COLQ: variants seen among roughly 807,000 people sequenced by gnomAD.
COLQ encodes acetylcholinesterase collagenic tail peptide.
Under a neutral mutation model 69.0 loss-of-function variants are expected in COLQ, and 48 were observed. The ratio of observed to expected loss-of-function variants is 0.70; its 90% CI spans 0.55 to 0.88. The LOEUF (loss-of-function observed/expected upper bound fraction) is 0.88. COLQ is among the 40% of genes least tolerant of loss of function. The pLI is 0.00. For synonymous variants in COLQ, 217 were observed against 211.2 expected, an observed-to-expected ratio of 1.03 and a Z score of -0.24; for missense variants, 618 against 594.6, an observed-to-expected ratio of 1.04 and a Z score of -0.41.
intron 1 of COLQ, among the ~76,000 whole-genome samples, chr3:15,507,737 G>T (rs1453709796): frequency 6.6e-6 from 1 of 152,212 alleles, no homozygotes; most frequent in African/African-American, 2.4e-5. Flanking sequence ...TTACAGGCGT[G>T]AGCCACTGCA....
At chr3:15,506,673 A>G (rs2062915763) in intron 1 of COLQ, 1 of 152,178 alleles carries the variant, frequency 6.6e-6, no homozygotes, top group South Asian at 2.1e-4. Flanking sequence ...GCATAATCCC[A>G]CTAATGATCA....
At chr3:15,499,415 C>T (rs2062800920) in intron 1 of COLQ, among the ~76,000 whole-genome samples, 1 of 152,166 alleles carries the variant, frequency 6.6e-6, no homozygotes, top group African/African-American at 2.4e-5. Flanking sequence ...CAAACTTTTG[C>T]TATAAAGGTC....
rs1165126069 is a variant in COLQ at position 15,453,810 on chromosome 3, G to A, written c.1298+19C>T. ...AGGGAGAAAGAAGGGGGAGAGGGAG[G>A]GAGGGGAGTCATCCCTACCCAGGGA... On this transcript the variant is annotated intron_variant, in intron 16 of 16. Coordinates refer to ENST00000383788, the MANE Select transcript of COLQ (RefSeq NM_005677.4). The A allele has an allele frequency of 6.6e-7, 1 of 1,508,288 alleles. No homozygotes were observed. Among genetic ancestry groups the A allele is most frequent in the Non-Finnish European group, 9.2e-7 (1 of 1,089,964 alleles). 93.4% of individuals were successfully genotyped at this position (1,508,288 alleles called of 1,614,324 possible). A position where few individuals can be genotyped will look rare whatever the true frequency, so the allele number is the denominator to read the frequency against.
At chr3:15,494,283 G>C (rs2062713717) in intron 1 of COLQ, among the ~76,000 whole-genome samples, 1 of 152,138 alleles carries the variant, frequency 6.6e-6, no homozygotes, top group Non-Finnish European at 1.5e-5. Context: ...GGGGAGGACA[G>C]GCTTGGAGAA....
chr3:15,458,181 C>T lies in COLQ; in HGVS notation c.954+5G>A. 1 of 1,613,326 alleles carries T rather than the reference C, an allele frequency of 6.2e-7. No homozygotes were observed. Among genetic ancestry groups the T allele is most frequent in the Non-Finnish European group, 8.5e-7 (1 of 1,180,026 alleles). The stretch of plus-strand genomic sequence containing the variant: ...CCACCCCAGACTTCTCCCAGAAAGC[C>T]TTACCACAGGAACTCGCGGGGAACT... On this transcript the variant is annotated splice_donor_5th_base_variant and intron_variant, in intron 13 of 16. Coordinates refer to ENST00000383788, the MANE Select transcript of COLQ (RefSeq NM_005677.4).
chr3:15,489,572 G>A lies in COLQ; in HGVS notation c.172C>T (p.Pro58Ser), dbSNP rs1327740963. 6.2e-7 allele frequency: 1 copy of A among 1,614,192 alleles called. No individual in the cohort carries two copies. The highest frequency in any genetic ancestry group is 1.1e-5 in the South Asian group (1 of 91,082). ...AATGGTGGTGGGAACAGTGGTGGTGGAGGAGGCGTCAGCAGGCAGCATGCT... is the reference window on the plus strand; with the variant it reads ...AATGGTGGTGGGAACAGTGGTGGTGAAGGAGGCGTCAGCAGGCAGCATGCT... ...HKACCLLTPP[P>S]PPLFPPPFFR... Residue 58 changes from proline (P) to serine (S), a missense_variant, in exon 2 of 17, where the codon CCA (proline) becomes TCA (serine). Pro to Ser is a moderately conservative substitution (Grantham distance 74). Transcript: ENST00000383788.
intron 1 of COLQ, among the ~76,000 whole-genome samples, chr3:15,499,123 G>T (rs139288369): frequency 6.6e-6 from 1 of 151,012 alleles, no homozygotes; most frequent in African/African-American, 2.4e-5. Context: ...CCAAAGTGTT[G>T]CTGACAAAGC....
rs371974104 is a variant in COLQ, at chr3:15,497,036, C to CTTTTTT, written c.107-7405_107-7400dup. On this transcript the variant is annotated intron_variant, in intron 1 of 16. Coordinates refer to ENST00000383788, the MANE Select transcript of COLQ (RefSeq NM_005677.4). ...CAAATCATCTCCAAAGTCCTTTTGCCTTTTTTTTTTTTTTTTTTTTTTTTT... is the reference window on the plus strand; with the variant it reads ...CAAATCATCTCCAAAGTCCTTTTGCCTTTTTTTTTTTTTTTTTTTTTTTTTTTTTTT... Among the ~76,000 whole-genome samples, 50 of 107,528 alleles carry CTTTTTT rather than the reference C, an allele frequency of 4.6e-4. 1 individual carries two copies. Among genetic ancestry groups the CTTTTTT allele is most frequent in the African/African-American group, 1.3e-3 (36 of 27,068 alleles). 70.5% of individuals were successfully genotyped at this position (107,528 alleles called of 152,430 possible).
At chr3:15,471,969 AT>A (rs370644681) in intron 10 of COLQ, among the ~76,000 whole-genome samples, 14,521 of 136,896 alleles carry the variant, frequency 0.11, 730 homozygotes, top group East Asian at 0.2. Flanking sequence ...CACAAGCAGC[AT>A]TTTTTTTTTT....
chr3:15,518,112 A>C (rs900966016), intron 1 of COLQ, among the ~76,000 whole-genome samples: 4 of 151,904 alleles, frequency 2.6e-5, no homozygotes, highest in Admixed American at 1.3e-4. Context: ...CATCCAGATA[A>C]ATTTGTATTT....
chr3:15,478,928 A>T (rs747142344), intron 5 of COLQ, 49 bp downstream of exon 5: 1 of 1,613,336 alleles, frequency 6.2e-7, no homozygotes, highest in African/African-American at 1.3e-5. Context: ...ATGCACACAC[A>T]TGAAGCACAG....
chr3:15,511,368 G>A (rs1166417886), intron 1 of COLQ, among the ~76,000 whole-genome samples: 10 of 152,214 alleles, frequency 6.6e-5, no homozygotes, highest in Non-Finnish European at 1.3e-4. Flanking sequence ...CAGGGCAGCC[G>A]GCTCCTAAGC....
chr3:15,470,796 T>A, intron 10 of COLQ, 180 bp from the exon 11 acceptor site: 1 of 695,872 alleles, frequency 1.4e-6, no homozygotes, highest in Non-Finnish European at 2.7e-6. Context: ...CAGACATGTC[T>A]TTCATGGAAG....
At chr3:15,454,654 T>G (rs1271175923) in intron 15 of COLQ, among the ~76,000 whole-genome samples, 1 of 57,562 alleles carries the variant, frequency 1.7e-5, no homozygotes, top group Non-Finnish European at 4.1e-5. Context: ...CTGAACTGTT[T>G]TTTTTTTTTT....
At chr3:15,482,032 T>C (rs944051764) in intron 3 of COLQ, among the ~76,000 whole-genome samples, 19 of 152,332 alleles carry the variant, frequency 1.2e-4, no homozygotes, top group Admixed American at 1.2e-3. Flanking sequence ...TATTGGTGTA[T>C]AGGAATGCTT....
intron 10 of COLQ, among the ~76,000 whole-genome samples, chr3:15,471,802 A>C (rs2125111382): frequency 6.6e-6 from 1 of 152,256 alleles, no homozygotes; most frequent in Non-Finnish European, 1.5e-5. Context: ...TAAATCTGTT[A>C]TTTCTTTCCA....
At chr3:15,497,884 C>T (rs1301233314) in intron 1 of COLQ, among the ~76,000 whole-genome samples, 3 of 152,208 alleles carry the variant, frequency 2.0e-5, no homozygotes, top group African/African-American at 7.2e-5. Context: ...CTACAATTTT[C>T]CTTCAATCCC....
chr3:15,463,015 C>T (rs1357466546), intron 12 of COLQ, among the ~76,000 whole-genome samples: 2 of 151,980 alleles, frequency 1.3e-5, no homozygotes, highest in Non-Finnish European at 2.9e-5. Context: ...AGCTGGAAGG[C>T]CAGGGAGAAA....
At chr3:15,470,802 G>T (rs1364179859) in intron 10 of COLQ, among the ~76,000 whole-genome samples, 186 bp from the exon 11 acceptor site, 1 of 152,206 alleles carries the variant, frequency 6.6e-6, no homozygotes, top group East Asian at 1.9e-4. Context: ...TGTCTTTCAT[G>T]GAAGAGGAGG....
Sources: gnomAD v4.1 joint callset for allele counts (sites outside exome capture counted in the v4.1 genomes callset) on GRCh38, gnomAD v4.1.1 for gene constraint, MANE v1.5 for transcripts, NCBI Gene and HGNC (gene_info 2026-07-23, HGNC 2026-07-21) for gene names.